ITIH5: variants seen among roughly 807,000 people sequenced by gnomAD.
The protein encoded by ITIH5 is inter-alpha-trypsin inhibitor heavy chain H5.
ITIH5 carries 65 observed loss-of-function variants against 77.5 expected under a neutral mutation model. The observed-to-expected ratio is 0.84, with a 90% CI of 0.69 to 1.03. The LOEUF (loss-of-function observed/expected upper bound fraction) is 1.03. ITIH5 is among the 50% of genes least tolerant of loss of function. The probability of loss-of-function intolerance (pLI) is 0.00; values close to 1 mark genes in which losing one functional copy is unlikely to be tolerated. For missense variants in ITIH5, 1,208 were observed against 1,213.1 expected (o/e 1.00, Z 0.06); for synonymous variants, 525 against 494.3 (o/e 1.06, Z -0.82).
chr10:7,575,704 C>T (rs1418355554), intron 10 of ITIH5, among the ~76,000 whole-genome samples: 1 of 152,122 alleles, frequency 6.6e-6, no homozygotes, highest in Non-Finnish European at 1.5e-5. Flanking sequence ...TACCTTGGTC[C>T]TTCCCACATG....
chr10:7,664,720 A>G (rs1212682681), intron 1 of ITIH5, among the ~76,000 whole-genome samples: 2 of 152,254 alleles, frequency 1.3e-5, no homozygotes. Flanking sequence ...GTTAATAGTC[A>G]TATTCAGCTA....
chr10:7,594,451 C>T (rs1031217347), intron 7 of ITIH5, among the ~76,000 whole-genome samples: 1 of 152,168 alleles, frequency 6.6e-6, no homozygotes, highest in Non-Finnish European at 1.5e-5. Context: ...ACCCCCAAAA[C>T]ATACATGTTG....
chr10:7,574,997 G>T (rs1832380486), intron 10 of ITIH5, among the ~76,000 whole-genome samples: 1 of 152,120 alleles, frequency 6.6e-6, no homozygotes. Context: ...CTCATAGGTA[G>T]AAAGTGATAG....
At chr10:7,651,597 G>A (rs1238174796) in intron 2 of ITIH5, among the ~76,000 whole-genome samples, 1 of 151,794 alleles carries the variant, frequency 6.6e-6, no homozygotes, top group Non-Finnish European at 1.5e-5. Flanking sequence ...CACAGAGTGA[G>A]ACTCTGTCTC....
At chr10:7,603,213 A>G (rs1833051101) in intron 7 of ITIH5, among the ~76,000 whole-genome samples, 1 of 152,202 alleles carries the variant, frequency 6.6e-6, no homozygotes, top group African/African-American at 2.4e-5. Flanking sequence ...CTATTCAGCA[A>G]TAAAAAAGAA....
chr10:7,659,917 C>T (rs1379547045), intron 1 of ITIH5, among the ~76,000 whole-genome samples: 5 of 152,218 alleles, frequency 3.3e-5, no homozygotes, highest in African/African-American at 1.2e-4. Context: ...AGTGTTTTCC[C>T]GGTGCCTTTT....
Position 7,617,163 on chromosome 10 carries a change from AG to A in ITIH5, c.771del (p.Phe258LeufsTer19). Reference protein sequence around the residue: ...ARIAQNGILGDFIIRYDVNRE... With the variant: ...ARIAQNGILGXFIIRYDVNRE... ...CTATTGACGTCATATCTAATGATAA[AG>A]TCTCCCAAAATTCCATTCTGGGCAA... On this transcript the variant is annotated frameshift_variant, in exon 6 of 14. Coordinates refer to ENST00000397146, the MANE Select transcript of ITIH5 (RefSeq NM_030569.7). LOFTEE classifies it high-confidence loss of function. 6.2e-7 allele frequency: 1 copy of A among 1,605,230 alleles called. No homozygotes were observed.
intron 5 of ITIH5, among the ~76,000 whole-genome samples, chr10:7,624,793 A>AT (rs1833532566): frequency 8.5e-6 from 1 of 118,112 alleles, no homozygotes; most frequent in Admixed American, 8.9e-5. Context: ...CTAAAAAAAA[A>AT]AAAAAATATA....
chr10:7,661,470 A>C (rs532781724), intron 1 of ITIH5, among the ~76,000 whole-genome samples: 16 of 152,274 alleles, frequency 1.1e-4, no homozygotes, highest in Non-Finnish European at 1.9e-4. Flanking sequence ...TAGATGTTGG[A>C]AAGTCACATG....
At chr10:7,590,546 T>C (rs1328816313) in intron 7 of ITIH5, among the ~76,000 whole-genome samples, 3 of 152,230 alleles carry the variant, frequency 2.0e-5, no homozygotes, top group Non-Finnish European at 4.4e-5. Context: ...ACATACATCG[T>C]GCTGTAAAGT....
At chr10:7,600,697 A>C (rs898586423) in intron 7 of ITIH5, 1 of 406,432 alleles carries the variant, frequency 2.5e-6, no homozygotes, top group Non-Finnish European at 4.9e-6. Context: ...CCTAAATTCA[A>C]AGGTTGAAAT....
intron 13 of ITIH5, among the ~76,000 whole-genome samples, chr10:7,565,336 A>T (rs1832127182): frequency 6.7e-6 from 1 of 148,640 alleles, no homozygotes; most frequent in South Asian, 2.1e-4. Context: ...TCACACATAC[A>T]AAGATGGTAT....
chr10:7,615,238 C>A (rs1315811548), intron 7 of ITIH5, among the ~76,000 whole-genome samples: 1 of 152,038 alleles, frequency 6.6e-6, no homozygotes, highest in Non-Finnish European at 1.5e-5. Context: ...GCAACAAGAG[C>A]AAAACTCCAT....
At chr10:7,616,639 C>A (rs556005398) in intron 6 of ITIH5, among the ~76,000 whole-genome samples, 1 of 152,078 alleles carries the variant, frequency 6.6e-6, no homozygotes, top group Non-Finnish European at 1.5e-5. Context: ...ACCAGGCTGA[C>A]CACCATGGCA....
chr10:7,660,801 G>A (rs1434964257), intron 1 of ITIH5, among the ~76,000 whole-genome samples: 2 of 152,242 alleles, frequency 1.3e-5, no homozygotes, highest in African/African-American at 4.8e-5. Context: ...TGGTATGGAT[G>A]CTGTAATGAC....
At chr10:7,593,096 T>TG (rs999761051) in intron 7 of ITIH5, among the ~76,000 whole-genome samples, 5 of 135,274 alleles carry the variant, frequency 3.7e-5, no homozygotes, top group African/African-American at 1.1e-4. Flanking sequence ...TAAGCTGGCA[T>TG]TTTTTTTTCC....
chr10:7,567,574 TGAGAACATGC>T (rs1419975059), intron 12 of ITIH5, among the ~76,000 whole-genome samples: 4 of 150,590 alleles, frequency 2.7e-5, no homozygotes, highest in Non-Finnish European at 5.9e-5. Context: ...CACCTATGAG[TGAGAACATGC>T]GGTGTTTGGT....
intron 5 of ITIH5, among the ~76,000 whole-genome samples, chr10:7,623,585 C>T (rs1833508423): frequency 6.6e-6 from 1 of 152,074 alleles, no homozygotes; most frequent in Admixed American, 6.5e-5. Flanking sequence ...AGGCGGATCA[C>T]AAGGTCAGGA....
chr10:7,613,798 T>C (rs563688687), intron 7 of ITIH5, among the ~76,000 whole-genome samples: 1 of 151,478 alleles, frequency 6.6e-6, no homozygotes, highest in East Asian at 2.0e-4. Flanking sequence ...CCTCTGTAGC[T>C]TAGGGGTGCT....
Sources: gnomAD v4.1 joint callset for allele counts (sites outside exome capture counted in the v4.1 genomes callset) on GRCh38, gnomAD v4.1.1 for gene constraint, MANE v1.5 for transcripts, NCBI Gene and HGNC (gene_info 2026-07-23, HGNC 2026-07-21) for gene names.